ADAMTS13: variants seen among roughly 807,000 people sequenced by gnomAD.
The protein encoded by ADAMTS13 is A disintegrin and metalloproteinase with thrombospondin motifs 13.
A neutral mutation model predicts 155.1 loss-of-function variants in ADAMTS13; 110 were observed. That is an observed-to-expected ratio of 0.71 (90% CI 0.61 to 0.83). The LOEUF is 0.83. Ranked by LOEUF, ADAMTS13 falls within the 40% of genes least tolerant of loss-of-function variation. ADAMTS13 has a pLI of 0.00. For missense variants in ADAMTS13, 1,707 were observed against 1,891.7 expected, an observed-to-expected ratio of 0.90 and a Z score of 1.81; for synonymous variants, 758 against 756.4, an observed-to-expected ratio of 1.00 and a Z score of -0.03.
intron 22 of ADAMTS13, 88 bp from the exon 23 acceptor site, chr9:133,449,695 T>A: frequency 6.7e-7 from 1 of 1,490,090 alleles, no homozygotes; most frequent in Non-Finnish European, 9.3e-7. Context: ...TGTCTCTTCC[T>A]AGTCTGGGGA....
upstream of ADAMTS13, among the ~76,000 whole-genome samples, chr9:133,417,071 C>A (rs1036068680): frequency 6.6e-6 from 1 of 152,196 alleles, no homozygotes; most frequent in Non-Finnish European, 1.5e-5. Context: ...AGTGCAGTGG[C>A]GCGATTTCGG....
intron 23 of ADAMTS13, among the ~76,000 whole-genome samples, chr9:133,453,113 G>A (rs887971479): frequency 3.3e-5 from 5 of 151,652 alleles, no homozygotes; most frequent in African/African-American, 1.2e-4. Flanking sequence ...ACCAGCCTGG[G>A]CAACATAGTG....
In ADAMTS13 at chr9:133,456,318, C is replaced by A; in HGVS notation, c.3547+103C>A. 1 of 1,559,852 alleles carries A rather than the reference C, an allele frequency of 6.4e-7. No individual in the cohort carries two copies. Among genetic ancestry groups the A allele is most frequent in the South Asian group, 1.1e-5 (1 of 87,900 alleles). On this transcript the variant is annotated intron_variant, in intron 26 of 28. Coordinates refer to ENST00000355699, the MANE Select transcript of ADAMTS13 (RefSeq NM_139027.6). The surrounding 1 kb of genome is among the most constrained non-coding windows in gnomAD (Gnocchi z 4.4). ...CCTGGCAGGAGCCCATGTGCATTCC[C>A]ACCTGTAGTTTGCATCCCATCTCAT...
intron 21 of ADAMTS13, among the ~76,000 whole-genome samples, chr9:133,448,258 G>C (rs1160912495): frequency 6.6e-6 from 1 of 152,080 alleles, no homozygotes. Flanking sequence ...GATTACAGGC[G>C]TGAGCCACTG....
intron 25 of ADAMTS13, 160 bp from the exon 26 acceptor site, chr9:133,455,909 A>G (rs1842713887): frequency 3.1e-6 from 3 of 953,920 alleles, no homozygotes; most frequent in South Asian, 1.4e-5. Context: ...GCTCTGACCT[A>G]TGCAGCCCCC....
In ADAMTS13 at chr9:133,443,512, C is replaced by G; in HGVS notation, c.2371C>G (p.Gln791Glu). 1 of 1,580,858 alleles carries G rather than the reference C, an allele frequency of 6.3e-7. No homozygotes were observed. Among genetic ancestry groups the G allele is most frequent in the Non-Finnish European group, 8.6e-7 (1 of 1,169,304 alleles). Residue 791 changes from glutamine (Q) to glutamate (E), a missense_variant, in exon 19 of 29, where the codon CAG (glutamine) becomes GAG (glutamate). Coordinates refer to ENST00000355699, the MANE Select transcript of ADAMTS13 (RefSeq NM_139027.6). ...AGCCCGGTGCAGAGCAGGGGCCCAG[C>G]AGCCAGCTGTGGCGCTGGAAACCTG... ...PPARCRAGAQ[Q>E]PAVALETCNP...
chr9:133,417,182 T>C (rs1554781808), upstream of ADAMTS13, among the ~76,000 whole-genome samples: 1 of 152,160 alleles, frequency 6.6e-6, no homozygotes, highest in Non-Finnish European at 1.5e-5. Flanking sequence ...CGGCTAATAT[T>C]TTTTGTACTT....
intron 23 of ADAMTS13, among the ~76,000 whole-genome samples, chr9:133,451,480 A>G (rs782577168): frequency 1.3e-5 from 2 of 151,656 alleles, no homozygotes; most frequent in Non-Finnish European, 2.9e-5. Context: ...CCGATCTTGA[A>G]CTCCTGACCT....
intron 24 of ADAMTS13, 59 bp from the exon 25 acceptor site, chr9:133,455,226 A>G: frequency 1.3e-6 from 2 of 1,568,438 alleles, no homozygotes; most frequent in Non-Finnish European, 1.7e-6. Flanking sequence ...TGTGGTTACC[A>G]CTGTCCTTGT....
rs782311486 is a variant in ADAMTS13, at chr9:133,455,435, G to A, written c.3400G>A (p.Gly1134Ser). 106 of 1,612,448 alleles carry A rather than the reference G, an allele frequency of 6.6e-5. No individual in the cohort carries two copies. The Admixed American group carries it at 1.7e-3, about 26-fold the overall frequency. Reference sequence around the variant, plus strand: ...CTGGGCTGGGCCCTGTGTGGGACAGGGTACGCCCAGCCTGGTGCCCCACGA... The same window carrying A: ...CTGGGCTGGGCCCTGTGTGGGACAGAGTACGCCCAGCCTGGTGCCCCACGA... Reference protein sequence around the residue: ...GCWAGPCVGQGACGRQHLEPT... With the variant: ...GCWAGPCVGQSACGRQHLEPT... Residue 1134 changes from glycine (G) to serine (S), a missense_variant and splice_region_variant, in exon 25 of 29, where the codon GGT becomes AGT. By Grantham distance (56) the Gly-to-Ser change is moderately conservative. This residue lies in a region of ADAMTS13 where 961 missense variants were observed against 1,107.9 expected (regional missense o/e 0.87). Coordinates refer to ENST00000355699, the MANE Select transcript of ADAMTS13 (RefSeq NM_139027.6).
intron 1 of ADAMTS13, among the ~76,000 whole-genome samples, chr9:133,416,553 G>A (rs1839616843): frequency 6.6e-6 from 1 of 152,130 alleles, no homozygotes; most frequent in African/African-American, 2.4e-5. Flanking sequence ...AGTGAGCTAT[G>A]ATCCTAACAG....
In ADAMTS13 at chr9:133,456,336, C is replaced by T. The variant is rs1842741924; in HGVS notation, c.3547+121C>T. 1 of 1,496,832 alleles carries T rather than the reference C, an allele frequency of 6.7e-7. No individual in the cohort carries two copies. The highest frequency in any genetic ancestry group is 9.1e-7 in the Non-Finnish European group (1 of 1,096,084). The allele number at this position is 1,496,832 out of a possible 1,614,324, so 92.7% of individuals were successfully genotyped here. ...GCATTCCCACCTGTAGTTTGCATCC[C>T]ATCTCATGACTGGGGAGTGATGATC... On this transcript the variant is annotated intron_variant, in intron 26 of 28. Transcript: ENST00000355699. The surrounding 1 kb of genome is among the most constrained non-coding windows in gnomAD (Gnocchi z 4.4).
intron 11 of ADAMTS13, among the ~76,000 whole-genome samples, 169 bp from the exon 12 acceptor site, chr9:133,436,660 C>T (rs1184820792): frequency 6.6e-6 from 1 of 152,132 alleles, no homozygotes; most frequent in Non-Finnish European, 1.5e-5. Flanking sequence ...TAGAGAGAGG[C>T]AGGCACTTTT....
At chr9:133,419,910 T>C (rs1182195619), upstream of ADAMTS13, among the ~76,000 whole-genome samples, 1 of 150,736 alleles carries the variant, frequency 6.6e-6, no homozygotes, top group Non-Finnish European at 1.5e-5. Context: ...AGCTAATTTT[T>C]TTTTTTTTTT....
rs1258025401 is a variant in ADAMTS13, at chr9:133,424,964, C to A, written c.330+486C>A. Among the ~76,000 whole-genome samples the A allele has an allele frequency of 6.6e-6, 1 of 152,194 alleles. No homozygotes were observed. Among genetic ancestry groups the A allele is most frequent in the Non-Finnish European group, 1.5e-5 (1 of 68,032 alleles). Reference sequence around the variant, plus strand: ...CTTGCTAGCACCTGAATCCCTGCAGCCCCCCTTCACTTGAAAGCTGGGGAA... The same window carrying A: ...CTTGCTAGCACCTGAATCCCTGCAGACCCCCTTCACTTGAAAGCTGGGGAA... On this transcript the variant is annotated intron_variant, in intron 3 of 28. Coordinates refer to ENST00000355699, the MANE Select transcript of ADAMTS13 (RefSeq NM_139027.6). This position sits in a 1 kb window ranked among gnomAD's most constrained non-coding sequence, Gnocchi z 4.3.
intron 22 of ADAMTS13, 25 bp from the exon 23 acceptor site, chr9:133,449,758 G>T: frequency 6.2e-7 from 1 of 1,613,116 alleles, no homozygotes; most frequent in Non-Finnish European, 8.5e-7. Context: ...GGCTGTTTGG[G>T]GTCCCTGACT....
At position 133,438,360 on chromosome 9, in the gene ADAMTS13, G is replaced by A; in HGVS notation, c.1699G>A (p.Ala567Thr). The stretch of plus-strand genomic sequence containing the variant: ...GAAGGGCTCTTTCACAGCTGGCAGA[G>A]CGAGAGGTAGGCGGCCTCCCTCGGG... ...PRKGSFTAGR[A>T]REYVTFLTVT... The change falls in exon 14 of 29, where the codon GCG becomes ACG. Residue 567 changes from alanine (A) to threonine (T), a missense_variant. By Grantham distance (58) the Ala-to-Thr change is moderately conservative. Around this residue, in one of 3 missense-constraint regions of ADAMTS13, gnomAD observed 961 missense variants for 1,107.9 expected, o/e 0.87. Transcript: ENST00000355699. 6.2e-7 allele frequency: 1 copy of A among 1,613,952 alleles called. No homozygotes were observed. The highest frequency in any genetic ancestry group is 8.5e-7 in the Non-Finnish European group (1 of 1,180,010).
At chr9:133,414,852 T>C (rs1839473898) in intron 1 of ADAMTS13, 1 of 1,614,200 alleles carries the variant, frequency 6.2e-7, no homozygotes, top group Non-Finnish European at 8.5e-7. Context: ...ACAGAGCCCC[T>C]GCTGGCCTCC....
chr9:133,452,900 C>T (rs1318546998), intron 23 of ADAMTS13, among the ~76,000 whole-genome samples: 1 of 152,224 alleles, frequency 6.6e-6, no homozygotes, highest in East Asian at 1.9e-4. Flanking sequence ...TGTGCTAGCT[C>T]TCGCTGCCTG....
Sources: allele counts gnomAD v4.1 joint callset (sites outside exome capture counted in the v4.1 genomes callset), GRCh38; gene constraint gnomAD v4.1.1; regional missense constraint gnomAD v4.1.1; non-coding constraint Gnocchi (gnomAD v3.1); transcripts MANE v1.5; gene names NCBI Gene and HGNC (gene_info 2026-07-23, HGNC 2026-07-21).